Variants in DOCK3 observed in about 807,000 individuals in gnomAD.
DOCK3 encodes the protein dedicator of cytokinesis 3, also known as dedicator of cytokinesis protein 3.
Under a neutral mutation model 265.6 loss-of-function variants are expected in DOCK3, and 60 were observed. The ratio of observed to expected loss-of-function variants is 0.23; its 90% CI spans 0.18 to 0.28. DOCK3 has a LOEUF of 0.28. Among genes scored for constraint, DOCK3 ranks in the 10% least tolerant of loss-of-function variants. DOCK3 has a pLI of 1.00. For missense variants in DOCK3, 1,981 were observed against 2,594.3 expected, an observed-to-expected ratio of 0.76 and a Z score of 5.14; for synonymous variants, 881 against 938.0, an observed-to-expected ratio of 0.94 and a Z score of 1.11.
chr3:50,841,573 T>A (rs2045830992), intron 2 of DOCK3, 102 bp from the exon 3 acceptor site: 2 of 414,430 alleles, frequency 4.8e-6, no homozygotes, highest in Admixed American at 8.0e-5. Flanking sequence ...GTGGGTGTTT[T>A]AAGGAAAGAT....
chr3:50,853,253 T>C (rs957507778), intron 3 of DOCK3, among the ~76,000 whole-genome samples: 2 of 152,058 alleles, frequency 1.3e-5, no homozygotes, highest in Non-Finnish European at 2.9e-5. Flanking sequence ...CTTATTTAGC[T>C]CTCACATAAG....
intron 4 of DOCK3, among the ~76,000 whole-genome samples, chr3:50,931,003 G>A (rs2051035620): frequency 6.6e-6 from 1 of 152,162 alleles, no homozygotes; most frequent in Non-Finnish European, 1.5e-5. Context: ...GCCTGGGGGT[G>A]GGTCATGCCC....
At chr3:51,118,667 G>A (rs1327952908) in intron 9 of DOCK3, among the ~76,000 whole-genome samples, 1 of 152,108 alleles carries the variant, frequency 6.6e-6, no homozygotes, top group East Asian at 1.9e-4. Context: ...ATATATTTAG[G>A]ATAGTTACCT....
At chr3:51,205,307 G>C (rs996768587) in intron 12 of DOCK3, among the ~76,000 whole-genome samples, 4 of 152,030 alleles carry the variant, frequency 2.6e-5, no homozygotes, top group African/African-American at 9.7e-5. Context: ...GGTATAACAC[G>C]AGGATGCTGC....
chr3:51,356,941 C>T, intron 43 of DOCK3, 21 bp from the exon 44 acceptor site: 1 of 1,602,412 alleles, frequency 6.2e-7, no homozygotes. Context: ...TGGGATGACT[C>T]TGTGTGCTGT....
At chr3:51,226,032 C>T (rs1290958884) in intron 15 of DOCK3, among the ~76,000 whole-genome samples, 1 of 152,188 alleles carries the variant, frequency 6.6e-6, no homozygotes, top group Non-Finnish European at 1.5e-5. Flanking sequence ...CCCTCTAGTT[C>T]TATCCTACAT....
intron 13 of DOCK3, among the ~76,000 whole-genome samples, chr3:51,213,242 T>G (rs1182132224): frequency 2.0e-5 from 3 of 152,160 alleles, no homozygotes; most frequent in Non-Finnish European, 2.9e-5. Context: ...TGAGGACGCC[T>G]CCTGTCAACC....
intron 7 of DOCK3, among the ~76,000 whole-genome samples, chr3:51,076,609 A>G (rs555856465): frequency 3.3e-5 from 5 of 152,282 alleles, no homozygotes; most frequent in Admixed American, 1.3e-4. Flanking sequence ...GAATTGATGG[A>G]TAGTTTCTCC....
At chr3:51,252,124 T>G (rs1206247323) in intron 22 of DOCK3, among the ~76,000 whole-genome samples, 3 of 152,248 alleles carry the variant, frequency 2.0e-5, no homozygotes, top group Non-Finnish European at 4.4e-5. Context: ...AGGGAATCCT[T>G]TCCCCATTTC....
intron 3 of DOCK3, among the ~76,000 whole-genome samples, chr3:50,852,033 T>C (rs2046376867): frequency 6.6e-6 from 1 of 152,204 alleles, no homozygotes; most frequent in South Asian, 2.1e-4. Context: ...ACAGAGTACT[T>C]TCCCTTGGCC....
chr3:50,744,626 G>C (rs767385554), intron 1 of DOCK3, among the ~76,000 whole-genome samples: 18 of 152,064 alleles, frequency 1.2e-4, no homozygotes, highest in African/African-American at 1.7e-4. Context: ...GTAGAAACAG[G>C]GTTTTGGCAC....
intron 38 of DOCK3, among the ~76,000 whole-genome samples, chr3:51,343,383 C>T (rs2085360725): frequency 6.6e-6 from 1 of 152,202 alleles, no homozygotes; most frequent in Admixed American, 6.5e-5. Flanking sequence ...TGCCTGCTGA[C>T]AGTAGCTTCC....
At chr3:51,098,015 G>A (rs570840161) in intron 9 of DOCK3, among the ~76,000 whole-genome samples, 4 of 152,132 alleles carry the variant, frequency 2.6e-5, no homozygotes, top group African/African-American at 4.8e-5. Context: ...TGCCTTCTGC[G>A]TTGATCTCGC....
At chr3:51,335,717 C>G (rs1294432200) in intron 35 of DOCK3, among the ~76,000 whole-genome samples, 1 of 152,220 alleles carries the variant, frequency 6.6e-6, no homozygotes, top group Non-Finnish European at 1.5e-5. Context: ...GTTGGCCAGG[C>G]ACAGTGGCAC....
intron 27 of DOCK3, among the ~76,000 whole-genome samples, chr3:51,306,928 G>A (rs1332011956): frequency 3.9e-5 from 6 of 152,032 alleles, no homozygotes; most frequent in South Asian, 4.2e-4. Flanking sequence ...CTTTTTGCCC[G>A]TGTATGGGCC....
chr3:50,920,699 G>A (rs1425426080), intron 4 of DOCK3, among the ~76,000 whole-genome samples: 2 of 152,074 alleles, frequency 1.3e-5, no homozygotes, highest in Admixed American at 6.6e-5. Context: ...CAGAAAACCA[G>A]CTCCTGTATT....
At chr3:51,174,367 G>T (rs1262962989) in intron 12 of DOCK3, among the ~76,000 whole-genome samples, 1 of 152,134 alleles carries the variant, frequency 6.6e-6, no homozygotes, top group Non-Finnish European at 1.5e-5. Flanking sequence ...TACTTGGCAG[G>T]CTGAGGCATG....
chr3:51,340,526 G>A (rs2085170743), intron 37 of DOCK3, among the ~76,000 whole-genome samples: 1 of 152,228 alleles, frequency 6.6e-6, no homozygotes, highest in South Asian at 2.1e-4. Flanking sequence ...ATTCTTCATA[G>A]TCATGGGGAG....
chr3:50,871,464 T>C (rs1414840842), intron 3 of DOCK3, among the ~76,000 whole-genome samples: 1 of 152,118 alleles, frequency 6.6e-6, no homozygotes, highest in East Asian at 1.9e-4. Context: ...ATCCTTGATC[T>C]TCGTGAGTTT....
Sources: allele counts gnomAD v4.1 joint callset (sites outside exome capture counted in the v4.1 genomes callset), GRCh38; gene constraint gnomAD v4.1.1; transcripts MANE v1.5; gene names NCBI Gene and HGNC (gene_info 2026-07-23, HGNC 2026-07-21).